FBXO41: variants seen among roughly 807,000 people sequenced by gnomAD.
FBXO41 encodes the protein F-box only protein 41.
Under a neutral mutation model 81.6 loss-of-function variants are expected in FBXO41, and 33 were observed. The observed-to-expected ratio is 0.40, with a 90% CI of 0.31 to 0.54. FBXO41 has a LOEUF of 0.54. FBXO41 is among the 20% of genes least tolerant of loss of function. The pLI is 0.39. For missense variants in FBXO41, 1,107 were observed against 1,236.0 expected (o/e 0.90, Z 1.56); for synonymous variants, 576 against 552.7 (o/e 1.04, Z -0.59).
intron 9 of FBXO41, among the ~76,000 whole-genome samples, chr2:73,261,541 G>A (rs1440764478): frequency 1.3e-5 from 2 of 152,144 alleles, no homozygotes; most frequent in Non-Finnish European, 2.9e-5. Flanking sequence ...GGGGTACAGC[G>A]GTGACAACAT....
rs1688298369 is a variant in FBXO41, at chr2:73,266,855, A to G, written c.906-173T>C. 1.9e-6 allele frequency: 2 copies of G among 1,042,756 alleles called. No individual in the cohort carries two copies. The allele number at this position is 1,042,756 out of a possible 1,614,324, so 64.6% of individuals were successfully genotyped here. On this transcript the variant is annotated intron_variant, in intron 2 of 12. Transcript: ENST00000520530. This position sits in a 1 kb window ranked among gnomAD's most constrained non-coding sequence, Gnocchi z 5.3. ...AGCACACAGCCCCGCACGATGACAC[A>G]TACAGAAATGCATGCATGCACTCCG... is the stretch of plus-strand genomic sequence containing the variant.
Position 73,266,899 on chromosome 2 carries a change from C to G in FBXO41, c.906-217G>C. ...CACTCCGAGCCACACACTCACACCC[C>G]ACCCACCTGGCCCCAGACCCTGCTC... On this transcript the variant is annotated intron_variant, in intron 2 of 12. Transcript: ENST00000520530. This position sits in a 1 kb window ranked among gnomAD's most constrained non-coding sequence, Gnocchi z 5.3. 1 of 611,098 alleles carries G rather than the reference C, an allele frequency of 1.6e-6. No individual in the cohort carries two copies. The highest frequency in any genetic ancestry group is 3.4e-5 in the South Asian group (1 of 29,494). The allele number at this position is 611,098 out of a possible 1,614,324, so 37.9% of individuals were successfully genotyped here.
chr2:73,260,362 C>T lies in FBXO41; in HGVS notation c.2449+27G>A, dbSNP rs570300240. Reference sequence around the variant, plus strand: ...GCCCCGTGGCAGGTGATAGTCGTACCCTGCCCCTCATTCCCCCAGTGCTCA... The same window carrying T: ...GCCCCGTGGCAGGTGATAGTCGTACTCTGCCCCTCATTCCCCCAGTGCTCA... On this transcript the variant is annotated intron_variant, in intron 11 of 12. Transcript: ENST00000520530. The surrounding 1 kb of genome is among the most constrained non-coding windows in gnomAD (Gnocchi z 5.0). 1 of 1,607,236 alleles carries T rather than the reference C, an allele frequency of 6.2e-7. No individual in the cohort carries two copies. Among genetic ancestry groups the T allele is most frequent in the South Asian group, 1.1e-5 (1 of 89,994 alleles).
rs1025707612 is a variant in FBXO41 at position 73,263,438 on chromosome 2, G to T, written c.2076-130C>A. On this transcript the variant is annotated intron_variant, in intron 8 of 12. Transcript: ENST00000520530. ...ATTCCAGACTAGCTTGGGCAATACG[G>T]CGAGACCCCGTCTCCATTTAAAAAA... The T allele has an allele frequency of 3.9e-6, 3 of 766,342 alleles. No individual in the cohort carries two copies. In the African/African-American group the frequency reaches 5.3e-5, roughly 14 times the overall value. 47.5% of individuals were successfully genotyped at this position (766,342 alleles called of 1,614,324 possible). A position where few individuals can be genotyped will look rare whatever the true frequency, so the allele number is the denominator to read the frequency against.
At chr2:73,271,486 C>T (rs370462763) in intron 1 of FBXO41, 1 of 153,064 alleles carries the variant, frequency 6.5e-6, no homozygotes, top group Non-Finnish European at 1.5e-5. Context: ...CTGGTGCCAT[C>T]CTTTCTCCTT....
At chr2:73,264,122 C>T in intron 6 of FBXO41, 69 bp from the exon 7 acceptor site, 1 of 1,553,370 alleles carries the variant, frequency 6.4e-7, no homozygotes, top group Non-Finnish European at 8.7e-7. Flanking sequence ...GTGGGCCAGC[C>T]CCAGGATAGA....
chr2:73,264,752 A>G (rs1329015185), intron 5 of FBXO41, among the ~76,000 whole-genome samples: 2 of 152,088 alleles, frequency 1.3e-5, no homozygotes, highest in African/African-American at 4.8e-5. Context: ...TTAAGGTTAT[A>G]TATCATTCAA....
At position 73,259,005 on chromosome 2, in the gene FBXO41, T is replaced by A. The variant is rs1380719593; in HGVS notation, c.2605A>T (p.Ile869Phe). ...RRPGFSKILH[I>F]KVEGGC Reference sequence around the variant, plus strand: ...GGTTAGCAGCCGCCTTCCACCTTGATGTGCAGAATCTTAGAGAAGCCGGGC... The same window carrying A: ...GGTTAGCAGCCGCCTTCCACCTTGAAGTGCAGAATCTTAGAGAAGCCGGGC... The change falls in exon 13 of 13, where the codon ATC becomes TTC. Residue 869 changes from isoleucine (I) to phenylalanine (F), a missense_variant. This residue lies in a region of FBXO41 where 336 missense variants were observed against 446.7 expected (regional missense o/e 0.75). Coordinates refer to ENST00000520530, the MANE Select transcript of FBXO41 (RefSeq NM_001371389.2). This position sits in a 1 kb window ranked among gnomAD's most constrained non-coding sequence, Gnocchi z 4.2. 5 of 1,593,846 alleles carry A rather than the reference T, an allele frequency of 3.1e-6. No homozygotes were observed. The highest frequency in any genetic ancestry group is 4.3e-6 in the Non-Finnish European group (5 of 1,170,494).
rs1687955950 is a variant in FBXO41, at chr2:73,260,183, A to G, written c.2449+206T>C. Among the ~76,000 whole-genome samples the G allele has an allele frequency of 6.6e-6, 1 of 152,168 alleles. No individual in the cohort carries two copies. Among genetic ancestry groups the G allele is most frequent in the Admixed American group, 6.5e-5 (1 of 15,286 alleles). On this transcript the variant is annotated intron_variant, in intron 11 of 12. Coordinates refer to ENST00000520530, the MANE Select transcript of FBXO41 (RefSeq NM_001371389.2). This position sits in a 1 kb window ranked among gnomAD's most constrained non-coding sequence, Gnocchi z 5.0. ...CTCAGAGAGGTATAGTAACTTGCCC[A>G]ACATCACTCAGCTAATAAGTAGCAG...
intron 1 of FBXO41, among the ~76,000 whole-genome samples, chr2:73,276,523 A>C (rs1574391822): frequency 6.6e-6 from 1 of 151,356 alleles, no homozygotes. Flanking sequence ...TTCTTTGAAA[A>C]GACCAGCAAA....
chr2:73,276,429 T>C (rs2103908497), intron 1 of FBXO41, among the ~76,000 whole-genome samples: 1 of 151,594 alleles, frequency 6.6e-6, no homozygotes, highest in Middle Eastern at 3.4e-3. Flanking sequence ...AAAAAAATGG[T>C]GTGTAGTAAT....
intron 9 of FBXO41, 100 bp downstream of exon 9, chr2:73,263,113 C>A: frequency 3.3e-6 from 3 of 919,724 alleles, no homozygotes; most frequent in Non-Finnish European, 5.0e-6. Flanking sequence ...TGGATCTGTC[C>A]TAATAGCTTG....
chr2:73,258,878 A>C lies in FBXO41; in HGVS notation c.*104T>G. 1 of 1,251,136 alleles carries C rather than the reference A, an allele frequency of 8.0e-7. No individual in the cohort carries two copies. The highest frequency in any genetic ancestry group is 1.1e-6 in the Non-Finnish European group (1 of 920,134). 77.5% of individuals were successfully genotyped at this position (1,251,136 alleles called of 1,614,324 possible). On this transcript the variant is annotated 3_prime_UTR_variant, in exon 13 of 13. Coordinates refer to ENST00000520530, the MANE Select transcript of FBXO41 (RefSeq NM_001371389.2). Reference sequence around the variant, plus strand: ...CAGTCCCCCTCCAGAAGCCAGGGATAACACTCGGCCTCCAAAGGTCTAGTC... The same window carrying C: ...CAGTCCCCCTCCAGAAGCCAGGGATCACACTCGGCCTCCAAAGGTCTAGTC...
intron 1 of FBXO41, among the ~76,000 whole-genome samples, chr2:73,281,308 T>G (rs1688841538): frequency 6.6e-6 from 1 of 152,208 alleles, no homozygotes; most frequent in Non-Finnish European, 1.5e-5. Context: ...GCCAAGTAGG[T>G]GGTACTGCTT....
At chr2:73,271,626 C>CCCCG (rs1248921484) in intron 1 of FBXO41, 3 of 145,462 alleles carry the variant, frequency 2.1e-5, no homozygotes, top group Admixed American at 6.8e-5. Context: ...TCTGCACTCC[C>CCCCG]CCCCCCCCAA....
At chr2:73,274,779 C>T (rs772645084) in intron 1 of FBXO41, among the ~76,000 whole-genome samples, 3 of 151,850 alleles carry the variant, frequency 2.0e-5, no homozygotes, top group Non-Finnish European at 4.4e-5. Context: ...TTGCCCAGGC[C>T]GGTCAGAAAG....
chr2:73,259,382 C>T lies in FBXO41; in HGVS notation c.2450-86G>A. 8.8e-7 allele frequency: 1 copy of T among 1,137,026 alleles called. No homozygotes were observed. Among genetic ancestry groups the T allele is most frequent in the Non-Finnish European group, 1.3e-6 (1 of 759,360 alleles). The allele number at this position is 1,137,026 out of a possible 1,614,324, so 70.4% of individuals were successfully genotyped here. A position where few individuals can be genotyped will look rare whatever the true frequency, so the allele number is the denominator to read the frequency against. ...CCTCTCACTAATTAATGAAATCAGA[C>T]AATCAGGTGCCAGCTACCGGGAACA... On this transcript the variant is annotated intron_variant, in intron 11 of 12. Transcript: ENST00000520530. The surrounding 1 kb of genome is among the most constrained non-coding windows in gnomAD (Gnocchi z 4.2).
rs1288367943 is a variant in FBXO41, at chr2:73,260,590, G to C, written c.2291-43C>G. 1.3e-6 allele frequency: 2 copies of C among 1,556,994 alleles called. No homozygotes were observed. The highest frequency in any genetic ancestry group is 1.2e-5 in the South Asian group (1 of 84,432). Reference sequence around the variant, plus strand: ...GGGGATCCTGCTGACACACTCCCCAGGTCACCCCTGCAGCCAGCACCCTGG... The same window carrying C: ...GGGGATCCTGCTGACACACTCCCCACGTCACCCCTGCAGCCAGCACCCTGG... On this transcript the variant is annotated intron_variant, in intron 10 of 12. Transcript: ENST00000520530. This position sits in a 1 kb window ranked among gnomAD's most constrained non-coding sequence, Gnocchi z 5.0.
intron 1 of FBXO41, among the ~76,000 whole-genome samples, chr2:73,279,835 T>C (rs1289296117): frequency 3.3e-5 from 5 of 152,222 alleles, no homozygotes; most frequent in African/African-American, 1.2e-4. Flanking sequence ...AACCTAATTT[T>C]ACTGTATATC....
Sources: gnomAD v4.1 joint callset for allele counts (sites outside exome capture counted in the v4.1 genomes callset) on GRCh38, gnomAD v4.1.1 for gene constraint, gnomAD v4.1.1 regional missense constraint, Gnocchi (gnomAD v3.1) non-coding constraint, MANE v1.5 for transcripts, NCBI Gene and HGNC (gene_info 2026-07-23, HGNC 2026-07-21) for gene names.